The following HMCN1 variants were observed in gnomAD, a reference collection of about 807,000 sequenced individuals.
The protein encoded by HMCN1 is hemicentin 1.
In HMCN1, 321 loss-of-function variants were observed where a neutral mutation model predicts 625.9. The observed-to-expected ratio is 0.51, with a 90% CI of 0.47 to 0.56. HMCN1 has a LOEUF of 0.56. HMCN1 is among the 20% of genes least tolerant of loss of function. The probability of loss-of-function intolerance (pLI) is 0.00; values close to 1 mark genes in which losing one functional copy is unlikely to be tolerated. For missense variants in HMCN1, 6,588 were observed against 6,887.3 expected, an observed-to-expected ratio of 0.96 and a Z score of 1.54; for synonymous variants, 2,425 against 2,417.6, an observed-to-expected ratio of 1.00 and a Z score of -0.09.
At chr1:185,775,096 G>C (rs1329070102) in intron 1 of HMCN1, among the ~76,000 whole-genome samples, 1 of 152,134 alleles carries the variant, frequency 6.6e-6, no homozygotes, top group Non-Finnish European at 1.5e-5. Flanking sequence ...AGGGCAGAGT[G>C]GATTCTCAAG....
rs769758485 is a variant in HMCN1 at position 186,023,110 on chromosome 1, C to T, written c.5706C>T (p.Asn1902=). 9.5e-5 allele frequency: 154 copies of T among 1,613,088 alleles called. 1 individual carries two copies. In the East Asian group the frequency reaches 2.6e-3, roughly 28 times the overall value. Residue 1902 remains asparagine, a synonymous_variant, in exon 36 of 107, where the codon AAC becomes AAT. Transcript: ENST00000271588. ...GCAGATACACATGTGTGGCTACCAACGCAGCTGGAGAAACACAACAGCACA... is the reference window on the plus strand; with the variant it reads ...GCAGATACACATGTGTGGCTACCAATGCAGCTGGAGAAACACAACAGCACA... The part of the protein sequence containing the change: ...DAGRYTCVAT[N]AAGETQQHIQ...
intron 36 of HMCN1, among the ~76,000 whole-genome samples, chr1:186,029,809 G>C (rs1394373032): frequency 6.6e-6 from 1 of 151,556 alleles, no homozygotes; most frequent in Non-Finnish European, 1.5e-5. Context: ...GATTTCTTAA[G>C]GTAGAATGTT....
chr1:186,148,236 T>C (rs996954579), intron 93 of HMCN1, among the ~76,000 whole-genome samples: 3 of 152,228 alleles, frequency 2.0e-5, no homozygotes, highest in Non-Finnish European at 4.4e-5. Context: ...ATTGTAGCAA[T>C]TCAGTCCCAT....
intron 4 of HMCN1, among the ~76,000 whole-genome samples, chr1:185,867,633 T>C (rs967273780): frequency 1.3e-5 from 2 of 152,170 alleles, no homozygotes; most frequent in African/African-American, 2.4e-5. Flanking sequence ...GCCAGTATGC[T>C]GAATATGCCA....
intron 4 of HMCN1, among the ~76,000 whole-genome samples, chr1:185,867,424 GA>G (rs1663328095): frequency 6.6e-6 from 1 of 152,146 alleles, no homozygotes; most frequent in African/African-American, 2.4e-5. Context: ...CCTAAAGAAG[GA>G]AAAACTGCTC....
At chr1:185,883,378 C>T (rs774988291) in intron 4 of HMCN1, among the ~76,000 whole-genome samples, 75 of 152,114 alleles carry the variant, frequency 4.9e-4, no homozygotes, top group Non-Finnish European at 7.1e-4. Context: ...TTTCAACCAC[C>T]CTTAAAACTT....
intron 4 of HMCN1, among the ~76,000 whole-genome samples, chr1:185,889,019 C>T (rs1395911241): frequency 9.0e-5 from 13 of 145,022 alleles, no homozygotes; most frequent in Non-Finnish European, 1.6e-4. Flanking sequence ...TGAAGAGGTC[C>T]TTCACATCCC....
intron 4 of HMCN1, among the ~76,000 whole-genome samples, chr1:185,876,119 G>A (rs1663913279): frequency 6.6e-6 from 1 of 151,894 alleles, no homozygotes; most frequent in African/African-American, 2.4e-5. Flanking sequence ...GTATGTTCAT[G>A]TACACCTATT....
At chr1:185,929,805 A>G (rs1041058829) in intron 10 of HMCN1, among the ~76,000 whole-genome samples, 1 of 152,204 alleles carries the variant, frequency 6.6e-6, no homozygotes, top group Admixed American at 6.5e-5. Flanking sequence ...TGCTAGAAAA[A>G]TAAAGTTTGT....
intron 50 of HMCN1, among the ~76,000 whole-genome samples, chr1:186,068,647 C>A (rs1465303945): frequency 6.6e-6 from 1 of 151,998 alleles, no homozygotes; most frequent in Non-Finnish European, 1.5e-5. Flanking sequence ...GCGGGCAGAT[C>A]ATGAGGTCAG....
intron 11 of HMCN1, among the ~76,000 whole-genome samples, chr1:185,955,111 C>T (rs914091776): frequency 2.0e-4 from 31 of 152,258 alleles, no homozygotes; most frequent in African/African-American, 6.7e-4. Context: ...GCTCATCCAA[C>T]TCAAACTAAG....
chr1:185,841,871 A>G (rs1173677674), intron 1 of HMCN1, among the ~76,000 whole-genome samples: 1 of 152,226 alleles, frequency 6.6e-6, no homozygotes, highest in Non-Finnish European at 1.5e-5. Context: ...AGTATTGTGA[A>G]TTATAAAAGT....
Position 185,970,420 on chromosome 1 carries a change from T to A in HMCN1, c.2298T>A (p.Asp766Glu). ...AGATTCAAGAAACACAAGATCTGGA[T>A]GCTGGCGATTATACCTGTGTAGCCA... is the stretch of plus-strand genomic sequence containing the variant. ...LLKIQETQDL[D>E]AGDYTCVAIN... Residue 766 changes from aspartate (D) to glutamate (E), a missense_variant, in exon 15 of 107, where the codon GAT becomes GAA. By Grantham distance (45) the Asp-to-Glu change is conservative (BLOSUM62 2). Coordinates refer to ENST00000271588, the MANE Select transcript of HMCN1 (RefSeq NM_031935.3). The A allele has an allele frequency of 6.2e-7, 1 of 1,613,736 alleles. No homozygotes were observed. Among genetic ancestry groups the A allele is most frequent in the Non-Finnish European group, 8.5e-7 (1 of 1,179,610 alleles).
At chr1:185,795,522 G>A (rs1658312233) in intron 1 of HMCN1, among the ~76,000 whole-genome samples, 1 of 152,210 alleles carries the variant, frequency 6.6e-6, no homozygotes, top group Non-Finnish European at 1.5e-5. Flanking sequence ...TGTGATGAGT[G>A]TTTGGGTGCC....
intron 36 of HMCN1, among the ~76,000 whole-genome samples, chr1:186,031,415 A>C (rs1233035617): frequency 6.6e-6 from 1 of 150,922 alleles, no homozygotes; most frequent in South Asian, 2.1e-4. Flanking sequence ...TACATAAGTC[A>C]CTTCTCTCTT....
chr1:185,802,839 G>C (rs184865177), intron 1 of HMCN1, among the ~76,000 whole-genome samples: 7 of 152,084 alleles, frequency 4.6e-5, no homozygotes, highest in African/African-American at 1.2e-4. Flanking sequence ...GTCTGTAAGT[G>C]GGGGGAGAAA....
chr1:185,973,180 A>G (rs1036200488), intron 15 of HMCN1, among the ~76,000 whole-genome samples: 2 of 152,164 alleles, frequency 1.3e-5, no homozygotes, highest in African/African-American at 2.4e-5. Flanking sequence ...ATCCTAACGT[A>G]CACCCAGCAT....
chr1:185,884,775 C>A (rs6664313), intron 4 of HMCN1, among the ~76,000 whole-genome samples: 10,839 of 151,764 alleles, frequency 0.071, 1,356 homozygotes, highest in African/African-American at 0.25. Context: ...GGACTGAAGG[C>A]GAAAAGTGCA....
In HMCN1 at chr1:186,151,307, A is replaced by G. The variant is rs915119451; in HGVS notation, c.14716A>G (p.Arg4906Gly). 6.2e-7 allele frequency: 1 copy of G among 1,613,662 alleles called. No homozygotes were observed. The change falls in exon 94 of 107, where the codon AGA becomes GGA. Residue 4906 changes from arginine (R) to glycine (G), a missense_variant. By Grantham distance (125) the Arg-to-Gly change is moderately radical. Transcript: ENST00000271588. ...TITDSPNSDT[R>G]IIRAKITNVP... is the part of the protein sequence containing the mutation. ...AACTGATAGCCCTAACTCTGATACT[A>G]GAATAATACGTGCCAAAATTACCAA...
Sources: gnomAD v4.1 joint callset for allele counts (sites outside exome capture counted in the v4.1 genomes callset) on GRCh38, gnomAD v4.1.1 for gene constraint, MANE v1.5 for transcripts, NCBI Gene and HGNC (gene_info 2026-07-23, HGNC 2026-07-21) for gene names.